Variants in COL27A1 observed in about 807,000 individuals in gnomAD.
The protein encoded by COL27A1 is collagen alpha-1(XXVII) chain.
In COL27A1, 106 loss-of-function variants were observed where a neutral mutation model predicts 251.3. That is an observed-to-expected ratio of 0.42 (90% CI 0.36 to 0.50). The LOEUF (loss-of-function observed/expected upper bound fraction) is 0.50. COL27A1 is among the 20% of genes least tolerant of loss of function. The probability of loss-of-function intolerance (pLI) is 0.00; values close to 1 mark genes in which losing one functional copy is unlikely to be tolerated. For missense variants in COL27A1, 2,325 were observed against 2,522.8 expected (o/e 0.92, Z 1.68); for synonymous variants, 1,000 against 986.3 (o/e 1.01, Z -0.26).
chr9:114,213,072 T>A (rs1347099791), intron 12 of COL27A1, among the ~76,000 whole-genome samples: 1 of 152,138 alleles, frequency 6.6e-6, no homozygotes, highest in Admixed American at 6.5e-5. Context: ...AATGATTAGG[T>A]CAAGGTCACA....
At position 114,306,242 on chromosome 9, in the gene COL27A1, A is replaced by G. The variant is rs1829035638; in HGVS notation, c.4939-278A>G. On this transcript the variant is annotated intron_variant, in intron 57 of 60. Coordinates refer to ENST00000356083, the MANE Select transcript of COL27A1 (RefSeq NM_032888.4). The stretch of plus-strand genomic sequence containing the variant: ...CCGAGTGTCCCACGCACCCTCGCCT[A>G]CCTCATTCACGGGGCTCTGCCTGTC... 3.3e-5 allele frequency: 11 copies of G among 329,946 alleles called. No homozygotes were observed. The South Asian group carries it at 5.2e-4, about 16-fold the overall frequency. 20.4% of individuals were successfully genotyped at this position (329,946 alleles called of 1,614,324 possible).
intron 27 of COL27A1, among the ~76,000 whole-genome samples, chr9:114,256,290 G>A (rs1386943539): frequency 1.3e-5 from 2 of 152,176 alleles, no homozygotes; most frequent in African/African-American, 4.8e-5. Context: ...AGGAGATCAA[G>A]ACCAGCCTGG....
intron 7 of COL27A1, among the ~76,000 whole-genome samples, chr9:114,199,989 C>T (rs1309822295): frequency 1.3e-5 from 2 of 152,164 alleles, no homozygotes; most frequent in Non-Finnish European, 2.9e-5. Flanking sequence ...CCCCCCAGCT[C>T]CCTCCTGTTG....
chr9:114,247,430 A>G (rs1377925071), intron 24 of COL27A1, among the ~76,000 whole-genome samples: 7 of 152,230 alleles, frequency 4.6e-5, no homozygotes. Context: ...TTTCCATTCA[A>G]GTTGATATAC....
Position 114,168,345 on chromosome 9 carries a change from C to A in COL27A1, c.790C>A (p.Leu264Ile), listed in dbSNP as rs772101697. 1.2e-6 allele frequency: 2 copies of A among 1,613,386 alleles called. No homozygotes were observed. Among genetic ancestry groups the A allele is most frequent in the Non-Finnish European group, 1.7e-6 (2 of 1,180,016 alleles). ...SGRPFTFQSD[L>I]ALLGLENLTT... ...CAGACCTTTTACCTTCCAGTCCGACCTCGCCCTGCTAGGCCTGGAGAACTT... is the reference window on the plus strand; with the variant it reads ...CAGACCTTTTACCTTCCAGTCCGACATCGCCCTGCTAGGCCTGGAGAACTT... Residue 264 changes from leucine to isoleucine, a missense_variant, in exon 3 of 61, where the codon CTC becomes ATC. Leu to Ile is a conservative substitution (Grantham distance 5). Transcript: ENST00000356083.
At chr9:114,304,221 T>G (rs545495913) in intron 56 of COL27A1, among the ~76,000 whole-genome samples, 1 of 152,208 alleles carries the variant, frequency 6.6e-6, no homozygotes, top group East Asian at 1.9e-4. Flanking sequence ...CTCCAGGCAA[T>G]GAGAACAGCA....
chr9:114,191,733 G>A (rs1022917735), intron 5 of COL27A1, among the ~76,000 whole-genome samples: 1 of 152,186 alleles, frequency 6.6e-6, no homozygotes, highest in Non-Finnish European at 1.5e-5. Flanking sequence ...ATATACAAGT[G>A]CATGTATCTT....
intron 2 of COL27A1, among the ~76,000 whole-genome samples, chr9:114,165,752 CATCT>C (rs1314608624): frequency 1.3e-5 from 2 of 150,064 alleles, no homozygotes; most frequent in Non-Finnish European, 3.0e-5. Flanking sequence ...TACATCCATC[CATCT>C]ACCAATTCAT....
At chr9:114,177,780 G>A (rs1827588520) in intron 3 of COL27A1, among the ~76,000 whole-genome samples, 1 of 152,198 alleles carries the variant, frequency 6.6e-6, no homozygotes, top group African/African-American at 2.4e-5. Context: ...GAGATACTTG[G>A]TGTGACCTTG....
intron 11 of COL27A1, 69 bp from the exon 12 acceptor site, chr9:114,210,913 G>A (rs921087004): frequency 5.1e-6 from 8 of 1,555,940 alleles, no homozygotes; most frequent in Non-Finnish European, 7.1e-6. Flanking sequence ...GCTCTGGGCT[G>A]GTTTGGGGCA....
At chr9:114,222,311 ACT>A in intron 14 of COL27A1, 44 bp downstream of exon 14, 2 of 1,576,992 alleles carry the variant, frequency 1.3e-6, no homozygotes, top group East Asian at 2.3e-5. Flanking sequence ...TGTTGAGGAG[ACT>A]CAGGGTGGAG....
Position 114,219,812 on chromosome 9 carries a change from G to A in COL27A1, c.2389G>A (p.Glu797Lys). 6.2e-7 allele frequency: 1 copy of A among 1,611,806 alleles called. No individual in the cohort carries two copies. ...GMPGFPGVFG[E>K]RGPPGLDGNP... ...CCAGGGGTTTCCTGGAGTCTTTGGG[G>A]AAAGAGGCCCTCCTGGACTGGATGG... Residue 797 changes from glutamate to lysine, a missense_variant, in exon 13 of 61, where the codon GAA (glutamate) becomes AAA (lysine). Glu to Lys is a moderately conservative substitution (Grantham distance 56). This residue lies in a region of COL27A1 where 1,183 missense variants were observed against 1,144.1 expected (regional missense o/e 1.03). Coordinates refer to ENST00000356083, the MANE Select transcript of COL27A1 (RefSeq NM_032888.4).
intron 37 of COL27A1, among the ~76,000 whole-genome samples, chr9:114,278,984 G>A (rs1835738101): frequency 6.6e-6 from 1 of 152,160 alleles, no homozygotes; most frequent in Non-Finnish European, 1.5e-5. Context: ...TATGCTCTCG[G>A]CTGGAGAGGG....
At chr9:114,174,438 G>A (rs1367584367) in intron 3 of COL27A1, among the ~76,000 whole-genome samples, 1 of 152,078 alleles carries the variant, frequency 6.6e-6, no homozygotes, top group Non-Finnish European at 1.5e-5. Flanking sequence ...AGGGGCCATG[G>A]GCGAATACAG....
intron 16 of COL27A1, among the ~76,000 whole-genome samples, 187 bp downstream of exon 16, chr9:114,232,053 G>A (rs1224490661): frequency 6.6e-6 from 1 of 152,156 alleles, no homozygotes; most frequent in Non-Finnish European, 1.5e-5. Context: ...CAGGCAGATG[G>A]TTCTGGGAGC....
At chr9:114,245,996 C>A in intron 24 of COL27A1, 86 bp downstream of exon 24, 2 of 1,155,554 alleles carry the variant, frequency 1.7e-6, no homozygotes, top group Non-Finnish European at 2.5e-6. Context: ...ACCCTCCATG[C>A]ACCACCTCGT....
At chr9:114,187,079 G>A (rs1828403462) in intron 5 of COL27A1, among the ~76,000 whole-genome samples, 1 of 152,242 alleles carries the variant, frequency 6.6e-6, no homozygotes, top group Non-Finnish European at 1.5e-5. Flanking sequence ...CAGACACTGG[G>A]AAGGAGATGT....
At chr9:114,212,945 A>G (rs927748143) in intron 12 of COL27A1, among the ~76,000 whole-genome samples, 3 of 152,288 alleles carry the variant, frequency 2.0e-5, no homozygotes, top group Non-Finnish European at 4.4e-5. Flanking sequence ...GCCCTGCCCC[A>G]ACACTCAGGC....
intron 28 of COL27A1, among the ~76,000 whole-genome samples, chr9:114,262,407 T>C (rs762352980): frequency 1.5e-4 from 23 of 152,140 alleles, no homozygotes; most frequent in Non-Finnish European, 2.8e-4. Context: ...ATCTGAAAAT[T>C]CTCAACTGGT....
Sources: allele counts gnomAD v4.1 joint callset (sites outside exome capture counted in the v4.1 genomes callset), GRCh38; gene constraint gnomAD v4.1.1; regional missense constraint gnomAD v4.1.1; transcripts MANE v1.5; gene names NCBI Gene and HGNC (gene_info 2026-07-23, HGNC 2026-07-21).